NUP98: variants seen among roughly 807,000 people sequenced by gnomAD.
The protein encoded by NUP98 is nucleoporin 98 and 96 precursor.
NUP98 carries 26 observed loss-of-function variants against 191.9 expected under a neutral mutation model. The observed-to-expected ratio is 0.14, with a 90% CI of 0.10 to 0.19. The LOEUF is 0.19. NUP98 is among the 10% of genes least tolerant of loss of function. The probability of loss-of-function intolerance (pLI) is 1.00; values close to 1 mark genes in which losing one functional copy is unlikely to be tolerated. For synonymous variants in NUP98, 808 were observed against 778.4 expected (o/e 1.04, Z -0.63); for missense variants, 1,941 against 2,178.8 (o/e 0.89, Z 2.17).
At chr11:3,677,756 GA>G (rs759204387) in intron 31 of NUP98, among the ~76,000 whole-genome samples, 12 of 152,296 alleles carry the variant, frequency 7.9e-5, no homozygotes, top group South Asian at 2.1e-4. Context: ...TATTCAATGA[GA>G]AAGTGGTTTC....
chr11:3,692,344 A>C (rs2078342151), intron 27 of NUP98, among the ~76,000 whole-genome samples: 1 of 151,498 alleles, frequency 6.6e-6, no homozygotes, highest in African/African-American at 2.4e-5. Flanking sequence ...ACAAAAAAAA[A>C]CACCTGGGCA....
chr11:3,700,612 T>C lies in NUP98; in HGVS notation c.3740A>G (p.Gln1247Arg). 6.2e-7 allele frequency: 1 copy of C among 1,605,124 alleles called. No homozygotes were observed. The highest frequency in any genetic ancestry group is 8.5e-7 in the Non-Finnish European group (1 of 1,172,100). ...TTAGAAACATAGTGTGTACTCACTT[T>C]GTGCTTCTGGTAAGTCTCCTGATGC... ...KEASGDLPEA[Q>R]IVKHWSLTWT... is the part of the protein sequence containing the mutation. The change falls in exon 24 of 33, where the codon CAA (glutamine) becomes CGA (arginine). Residue 1247 changes from glutamine to arginine, a missense_variant and splice_region_variant. This residue lies in a region of NUP98 where 1,030 missense variants were observed against 1,115.8 expected (regional missense o/e 0.92). Coordinates refer to ENST00000324932, the MANE Select transcript of NUP98 (RefSeq NM_016320.5).
chr11:3,796,262 A>G (rs1226133893), intron 1 of NUP98, among the ~76,000 whole-genome samples: 2 of 152,202 alleles, frequency 1.3e-5, no homozygotes, highest in African/African-American at 4.8e-5. Context: ...ATGAGTTCCG[A>G]GGTACAACTA....
At chr11:3,732,344 A>G (rs766069259) in intron 13 of NUP98, among the ~76,000 whole-genome samples, 1 of 152,240 alleles carries the variant, frequency 6.6e-6, no homozygotes, top group Non-Finnish European at 1.5e-5. Flanking sequence ...TCTTCATCCT[A>G]TGAGAGTTTA....
chr11:3,777,620 CAAA>C (rs35614116), intron 4 of NUP98, among the ~76,000 whole-genome samples: 2 of 59,464 alleles, frequency 3.4e-5, no homozygotes, highest in African/African-American at 6.6e-5. Context: ...GACTCCGTCT[CAAA>C]AAAAAAAAAA....
intron 30 of NUP98, among the ~76,000 whole-genome samples, chr11:3,682,783 T>C (rs920613678): frequency 2.6e-5 from 4 of 152,234 alleles, no homozygotes; most frequent in African/African-American, 9.6e-5. Context: ...TGTGCAGTTT[T>C]CCAAACCTTT....
At chr11:3,746,334 C>T (rs1297128606) in intron 11 of NUP98, among the ~76,000 whole-genome samples, 1 of 134,592 alleles carries the variant, frequency 7.4e-6, no homozygotes, top group African/African-American at 2.8e-5. Flanking sequence ...TTTTAAAGTT[C>T]TAAACCATTA....
At chr11:3,778,424 G>C (rs750395426) in intron 4 of NUP98, among the ~76,000 whole-genome samples, 11 of 152,116 alleles carry the variant, frequency 7.2e-5, no homozygotes, top group Non-Finnish European at 1.2e-4. Context: ...ACAAAGAATG[G>C]AGGAGTAACC....
chr11:3,790,460 G>T (rs1187917513), intron 1 of NUP98, among the ~76,000 whole-genome samples: 1 of 152,106 alleles, frequency 6.6e-6, no homozygotes, highest in African/African-American at 2.4e-5. Context: ...ACCCCTAAAA[G>T]TCCCCAACAC....
rs2077787500 is a variant in NUP98 at position 3,675,759 on chromosome 11, TC to T, written c.*399del. Reference sequence around the variant, plus strand: ...GATCCATTATCACCTGTCTCACTCCTCCTAAGGAGTCCTAGTATAAAAGGGC... The same window carrying T: ...GATCCATTATCACCTGTCTCACTCCTCTAAGGAGTCCTAGTATAAAAGGGC... On this transcript the variant is annotated 3_prime_UTR_variant, in exon 33 of 33. Coordinates refer to ENST00000324932, the MANE Select transcript of NUP98 (RefSeq NM_016320.5). The T allele has an allele frequency of 3.0e-6, 1 of 331,506 alleles. No homozygotes were observed. Among genetic ancestry groups the T allele is most frequent in the Non-Finnish European group, 5.6e-6 (1 of 178,410 alleles). The allele number at this position is 331,506 out of a possible 1,614,324, so 20.5% of individuals were successfully genotyped here. A position where few individuals can be genotyped will look rare whatever the true frequency, so the allele number is the denominator to read the frequency against.
At chr11:3,730,294 T>C (rs572980728) in intron 14 of NUP98, among the ~76,000 whole-genome samples, 1 of 152,032 alleles carries the variant, frequency 6.6e-6, no homozygotes, top group African/African-American at 2.4e-5. Flanking sequence ...GTCTTCAAAA[T>C]AATTTACTGA....
chr11:3,714,524 A>ACAGTGACTACTAGGAT (rs1310163812), intron 18 of NUP98, among the ~76,000 whole-genome samples: 23 of 152,138 alleles, frequency 1.5e-4, no homozygotes, highest in Admixed American at 9.2e-4. Context: ...ACATCTAAAC[A>ACAGTGACTACTAGGAT]CAGTGACTAC....
At position 3,701,024 on chromosome 11, in the gene NUP98, A is replaced by T. The variant is rs1299361083; in HGVS notation, c.3513-185T>A. Among the ~76,000 whole-genome samples the T allele has an allele frequency of 7.9e-5, 12 of 152,304 alleles. No homozygotes were observed. The East Asian group carries it at 2.3e-3, about 29-fold the overall frequency. ...TATCTGCTATATACTGGGGAAAAAA[A>T]ATCATCTGATCAGTGCATTCAGAAC... is the stretch of plus-strand genomic sequence containing the variant. On this transcript the variant is annotated intron_variant, in intron 23 of 32. Transcript: ENST00000324932.
At chr11:3,686,550 G>A (rs1012949707) in intron 28 of NUP98, among the ~76,000 whole-genome samples, 2 of 151,914 alleles carry the variant, frequency 1.3e-5, no homozygotes, top group African/African-American at 2.4e-5. Flanking sequence ...ACAGAGTCTC[G>A]CTCTGTTGCC....
Position 3,771,786 on chromosome 11 carries a change from C to T in NUP98, c.746G>A (p.Gly249Asp). 1 of 1,614,152 alleles carries T rather than the reference C, an allele frequency of 6.2e-7. No homozygotes were observed. Among genetic ancestry groups the T allele is most frequent in the Non-Finnish European group, 8.5e-7 (1 of 1,180,024 alleles). ...GLFSSSTTNS[G>D]FAYGQNKTAF... is the part of the protein sequence containing the mutation. Reference sequence around the variant, plus strand: ...AGTTTTGTTCTGACCATATGCAAAGCCTGAATTAGTGGTGGAGGAGCTGAA... The same window carrying T: ...AGTTTTGTTCTGACCATATGCAAAGTCTGAATTAGTGGTGGAGGAGCTGAA... The change falls in exon 7 of 33, where the codon GGC becomes GAC. Residue 249 changes from glycine (G) to aspartate (D), a missense_variant. Transcript: ENST00000324932.
Position 3,706,219 on chromosome 11 carries a change from C to G in NUP98, c.2925+226G>C, listed in dbSNP as rs538557001. On this transcript the variant is annotated intron_variant, in intron 21 of 32. Coordinates refer to ENST00000324932, the MANE Select transcript of NUP98 (RefSeq NM_016320.5). Reference sequence around the variant, plus strand: ...GGGATTGGAACTAGGACTCTGGATTCTAATGCAGTTAAAACCAGAAACCCT... The same window carrying G: ...GGGATTGGAACTAGGACTCTGGATTGTAATGCAGTTAAAACCAGAAACCCT... Among the ~76,000 whole-genome samples, 3 of 152,170 alleles carry G rather than the reference C, an allele frequency of 2.0e-5. No individual in the cohort carries two copies. In the South Asian group the frequency reaches 6.2e-4, roughly 32 times the overall value.
At chr11:3,724,793 G>C (rs796102125) in intron 15 of NUP98, among the ~76,000 whole-genome samples, 3 of 90,854 alleles carry the variant, frequency 3.3e-5, no homozygotes, top group Non-Finnish European at 6.8e-5. Flanking sequence ...AAAAAAAAAA[G>C]AAAGAAAATC....
chr11:3,689,940 ATTTTTTTTTTTTTTTTTT>A (rs989043726), intron 28 of NUP98, among the ~76,000 whole-genome samples: 2 of 73,574 alleles, frequency 2.7e-5, no homozygotes, highest in East Asian at 8.0e-4. Context: ...GCTGGCCTGC[ATTTTTTTTTTTTTTTTTT>A]TTTTTTTTTG....
In NUP98 at chr11:3,705,204, T is replaced by C. The variant is rs780334129; in HGVS notation, c.3078A>G (p.Ser1026=). 2.5e-6 allele frequency: 4 copies of C among 1,614,138 alleles called. No homozygotes were observed. Among genetic ancestry groups the C allele is most frequent in the Non-Finnish European group, 3.4e-6 (4 of 1,179,976 alleles). ...ATAGCATCTTTTATACTGTACCTAG[T>C]GAACGAGTTTTCGACGAGTGGGATG... ...ISASHSSKTR[S]LVGGLLQSKF... The change falls in exon 22 of 33, where the codon TCA becomes TCG. Residue 1026 remains serine, a synonymous_variant. Coordinates refer to ENST00000324932, the MANE Select transcript of NUP98 (RefSeq NM_016320.5).
Sources: allele counts gnomAD v4.1 joint callset (sites outside exome capture counted in the v4.1 genomes callset), GRCh38; gene constraint gnomAD v4.1.1; regional missense constraint gnomAD v4.1.1; transcripts MANE v1.5; gene names NCBI Gene and HGNC (gene_info 2026-07-23, HGNC 2026-07-21).